The following DOCK5 variants were observed in gnomAD, a reference collection of about 807,000 sequenced individuals.
DOCK5 encodes the protein dedicator of cytokinesis protein 5.
A neutral mutation model predicts 251.8 loss-of-function variants in DOCK5; 142 were observed. The ratio of observed to expected loss-of-function variants is 0.56; its 90% CI spans 0.49 to 0.65. The LOEUF is 0.65. Among genes scored for constraint, DOCK5 ranks in the 30% least tolerant of loss-of-function variants. The pLI is 0.00. For synonymous variants in DOCK5, 842 were observed against 835.5 expected (o/e 1.01, Z -0.13); for missense variants, 2,111 against 2,312.3 (o/e 0.91, Z 1.79).
At chr8:25,315,231 G>A (rs1195763212) in intron 13 of DOCK5, among the ~76,000 whole-genome samples, 1 of 150,572 alleles carries the variant, frequency 6.6e-6, no homozygotes, top group Non-Finnish European at 1.5e-5. Flanking sequence ...CTGTGAGGAT[G>A]TCAGTCAGGT....
chr8:25,407,535 A>T (rs2117346127), intron 48 of DOCK5, among the ~76,000 whole-genome samples: 1 of 152,242 alleles, frequency 6.6e-6, no homozygotes, highest in African/African-American at 2.4e-5. Flanking sequence ...GTTGTAATTG[A>T]AAATTTAGAT....
chr8:25,362,570 G>A (rs1254527105), intron 28 of DOCK5, among the ~76,000 whole-genome samples: 1 of 146,954 alleles, frequency 6.8e-6, no homozygotes, highest in Non-Finnish European at 1.5e-5. Flanking sequence ...GGGTTCAAGC[G>A]ATTCCCCTGC....
intron 42 of DOCK5, among the ~76,000 whole-genome samples, chr8:25,391,260 C>G (rs1195200588): frequency 2.0e-5 from 3 of 148,970 alleles, no homozygotes; most frequent in African/African-American, 5.0e-5. Context: ...TAAATGGGAT[C>G]TTGCTGTGCT....
chr8:25,252,795 G>T (rs575858880), intron 2 of DOCK5, among the ~76,000 whole-genome samples: 1 of 152,200 alleles, frequency 6.6e-6, no homozygotes, highest in South Asian at 2.1e-4. Context: ...TTCCTTTTCA[G>T]GTATGTTTCA....
intron 1 of DOCK5, among the ~76,000 whole-genome samples, chr8:25,191,238 A>G (rs946297513): frequency 1.3e-5 from 2 of 151,930 alleles, no homozygotes; most frequent in African/African-American, 4.8e-5. Flanking sequence ...TTACATTCTC[A>G]TTCTCTCGTT....
intron 2 of DOCK5, among the ~76,000 whole-genome samples, chr8:25,253,521 C>CGTTAGGTT (rs554017150): frequency 3.9e-5 from 6 of 152,080 alleles, no homozygotes; most frequent in African/African-American, 1.4e-4. Flanking sequence ...TTTTTAAATG[C>CGTTAGGTT]GTTAGGTTAT....
Position 25,395,646 on chromosome 8 carries a change from T to G in DOCK5, c.4631T>G (p.Val1544Gly). The change falls in exon 45 of 52, where the codon GTG becomes GGG. Residue 1544 changes from valine (V) to glycine (G), a missense_variant. Around this residue, in one of 3 missense-constraint regions of DOCK5, gnomAD observed 1,717 missense variants for 1,892.4 expected, o/e 0.91. Coordinates refer to ENST00000276440, the MANE Select transcript of DOCK5 (RefSeq NM_024940.8). ...QQHAWDRSLS[V>G]HPLSMLLSGI... ...CATGCCTGGGACCGGTCCCTCTCTGTGCACCCTCTCTCCATGCTGCTCAGT... is the reference window on the plus strand; with the variant it reads ...CATGCCTGGGACCGGTCCCTCTCTGGGCACCCTCTCTCCATGCTGCTCAGT... 6.2e-7 allele frequency: 1 copy of G among 1,613,568 alleles called. No homozygotes were observed. Among genetic ancestry groups the G allele is most frequent in the South Asian group, 1.1e-5 (1 of 91,044 alleles).
At chr8:25,218,334 G>C (rs1159765151) in intron 1 of DOCK5, among the ~76,000 whole-genome samples, 1 of 152,156 alleles carries the variant, frequency 6.6e-6, no homozygotes, top group Non-Finnish European at 1.5e-5. Flanking sequence ...GATTATCATA[G>C]GGCATCCCTG....
chr8:25,227,395 A>G (rs17188062), intron 1 of DOCK5, among the ~76,000 whole-genome samples: 3,247 of 152,198 alleles, frequency 0.021, 53 homozygotes, highest in South Asian at 0.043. Flanking sequence ...CAAATAGCCA[A>G]TTATACCCAT....
chr8:25,405,359 G>A (rs993971246), intron 48 of DOCK5, among the ~76,000 whole-genome samples: 2 of 151,116 alleles, frequency 1.3e-5, no homozygotes, highest in African/African-American at 2.4e-5. Context: ...TGTTAAGTAT[G>A]GAGCCAACAT....
chr8:25,399,199 C>G (rs1400289622), intron 45 of DOCK5, among the ~76,000 whole-genome samples: 1 of 152,188 alleles, frequency 6.6e-6, no homozygotes, highest in Non-Finnish European at 1.5e-5. Context: ...GTCTTTAAAA[C>G]AGTACCCTAT....
intron 48 of DOCK5, among the ~76,000 whole-genome samples, chr8:25,405,813 T>C (rs975153263): frequency 6.6e-6 from 1 of 152,002 alleles, no homozygotes; most frequent in African/African-American, 2.4e-5. Flanking sequence ...TTGTGTTCTT[T>C]CTGCCTAGCA....
At chr8:25,349,108 G>A (rs1800422213) in intron 26 of DOCK5, among the ~76,000 whole-genome samples, 1 of 152,158 alleles carries the variant, frequency 6.6e-6, no homozygotes, top group South Asian at 2.1e-4. Context: ...AGAGAAGAAG[G>A]GACAGAGGGA....
intron 2 of DOCK5, among the ~76,000 whole-genome samples, chr8:25,247,686 C>A (rs570436876): frequency 6.6e-6 from 1 of 152,156 alleles, no homozygotes; most frequent in African/African-American, 2.4e-5. Context: ...GACAGCATCC[C>A]TATGGACCAA....
At chr8:25,306,994 A>T (rs1804959201) in intron 11 of DOCK5, among the ~76,000 whole-genome samples, 4 of 152,254 alleles carry the variant, frequency 2.6e-5, no homozygotes, top group Admixed American at 2.6e-4. Context: ...TACTGCAGGC[A>T]GTTGTAACAC....
intron 5 of DOCK5, among the ~76,000 whole-genome samples, chr8:25,289,351 T>C (rs1468718438): frequency 6.6e-6 from 1 of 151,688 alleles, no homozygotes; most frequent in Non-Finnish European, 1.5e-5. Context: ...AAGGTCTCGC[T>C]ATGTTGCCCA....
At chr8:25,317,925 A>G (rs1332759021) in intron 14 of DOCK5, among the ~76,000 whole-genome samples, 1 of 151,498 alleles carries the variant, frequency 6.6e-6, no homozygotes, top group Non-Finnish European at 1.5e-5. Context: ...CTTTAGTTTT[A>G]ATGAACAGGA....
intron 45 of DOCK5, among the ~76,000 whole-genome samples, chr8:25,397,486 A>G (rs1801366369): frequency 6.6e-6 from 1 of 152,196 alleles, no homozygotes; most frequent in African/African-American, 2.4e-5. Context: ...AGCCTTCTGT[A>G]GCCTTATTAT....
chr8:25,407,885 AAT>A lies in DOCK5; in HGVS notation c.5094-96_5094-95del. 4.6e-6 allele frequency: 4 copies of A among 867,366 alleles called. No individual in the cohort carries two copies. The African/African-American group carries it at 5.5e-5, about 12-fold the overall frequency. 53.7% of individuals were successfully genotyped at this position (867,366 alleles called of 1,614,324 possible). A position where few individuals can be genotyped will look rare whatever the true frequency, so the allele number is the denominator to read the frequency against. ...GTCTCAAAAAAAAAAAAAAAAAAAA[AAT>A]AGCCTAAAGAGTCATAACTGCTGGT... On this transcript the variant is annotated intron_variant, in intron 48 of 51. Coordinates refer to ENST00000276440, the MANE Select transcript of DOCK5 (RefSeq NM_024940.8).
Sources: allele counts gnomAD v4.1 joint callset (sites outside exome capture counted in the v4.1 genomes callset), GRCh38; gene constraint gnomAD v4.1.1; regional missense constraint gnomAD v4.1.1; transcripts MANE v1.5; gene names NCBI Gene and HGNC (gene_info 2026-07-23, HGNC 2026-07-21).